JMY: variants seen among roughly 807,000 people sequenced by gnomAD.
The protein encoded by JMY is junction mediating and regulatory protein, p53 cofactor.
In JMY, 46 loss-of-function variants were observed where a neutral mutation model predicts 103.3. The observed-to-expected ratio is 0.45, with a 90% CI of 0.35 to 0.57. The LOEUF is 0.57. Among genes scored for constraint, JMY ranks in the 20% least tolerant of loss-of-function variants. JMY has a pLI of 0.00. For synonymous variants in JMY, 526 were observed against 489.3 expected, an observed-to-expected ratio of 1.07 and a Z score of -0.99; for missense variants, 1,238 against 1,255.2, an observed-to-expected ratio of 0.99 and a Z score of 0.21.
In JMY at chr5:79,314,491, G is replaced by A; in HGVS notation, c.2299G>A (p.Glu767Lys). The change falls in exon 9 of 11, where the codon GAA (glutamate) becomes AAA (lysine). Residue 767 changes from glutamate to lysine, a missense_variant. By Grantham distance (56) the Glu-to-Lys change is moderately conservative. Coordinates refer to ENST00000396137, the MANE Select transcript of JMY (RefSeq NM_152405.5). Reference sequence around the variant, plus strand: ...TGAAGATACTTCATTAACACAACTTGAAGCCACCTCATTACCTCTCAGTGG... The same window carrying A: ...TGAAGATACTTCATTAACACAACTTAAAGCCACCTCATTACCTCTCAGTGG... Reference protein sequence around the residue: ...QLEDTSLTQLEATSLPLSGVT... With the variant: ...QLEDTSLTQLKATSLPLSGVT... 3 of 1,614,094 alleles carry A rather than the reference G, an allele frequency of 1.9e-6. No individual in the cohort carries two copies. The highest frequency in any genetic ancestry group is 2.5e-6 in the Non-Finnish European group (3 of 1,180,004).
At chr5:79,308,012 C>T (rs1746939547) in intron 7 of JMY, among the ~76,000 whole-genome samples, 1 of 152,176 alleles carries the variant, frequency 6.6e-6, no homozygotes, top group South Asian at 2.1e-4. Flanking sequence ...GCTGGGATTA[C>T]AGGCATGAGC....
Position 79,314,422 on chromosome 5 carries a change from C to G in JMY, c.2230C>G (p.Arg744Gly), listed in dbSNP as rs554608602. ...AGAGGTGGGAGAAGGAAGAGTCAAG[C>G]GTGGGCCATCACAGACAACAGAACC... ...TEEVGEGRVK[R>G]GPSQTTEPQS... The change falls in exon 9 of 11, where the codon CGT becomes GGT. Residue 744 changes from arginine to glycine, a missense_variant. Physicochemically the swap from Arg to Gly is moderately radical, Grantham distance 125 (BLOSUM62 -2). Transcript: ENST00000396137. 1 of 1,614,094 alleles carries G rather than the reference C, an allele frequency of 6.2e-7. No homozygotes were observed. Among genetic ancestry groups the G allele is most frequent in the South Asian group, 1.1e-5 (1 of 91,064 alleles).
At chr5:79,320,099 G>A (rs1387642604) in intron 10 of JMY, among the ~76,000 whole-genome samples, 3 of 152,062 alleles carry the variant, frequency 2.0e-5, no homozygotes, top group Non-Finnish European at 2.9e-5. Context: ...CAGGCTGAGT[G>A]TGAACTTTAA....
At chr5:79,244,563 C>T (rs895880144) in intron 1 of JMY, among the ~76,000 whole-genome samples, 3 of 152,020 alleles carry the variant, frequency 2.0e-5, no homozygotes, top group Non-Finnish European at 4.4e-5. Context: ...CTTCATTTGA[C>T]GTTTCATTAA....
At chr5:79,256,078 T>C (rs1745235259) in intron 1 of JMY, among the ~76,000 whole-genome samples, 1 of 152,208 alleles carries the variant, frequency 6.6e-6, no homozygotes. Context: ...GGGACTAGAA[T>C]CAGAAACCTT....
chr5:79,315,922 G>A (rs996389107), intron 9 of JMY, 78 bp from the exon 10 acceptor site: 6 of 1,264,056 alleles, frequency 4.7e-6, no homozygotes, highest in Admixed American at 2.0e-5. Flanking sequence ...TCACAGTTGC[G>A]AACGGTAGAG....
intron 1 of JMY, among the ~76,000 whole-genome samples, chr5:79,251,858 T>G (rs1263770804): frequency 6.6e-6 from 1 of 152,172 alleles, no homozygotes; most frequent in Non-Finnish European, 1.5e-5. Flanking sequence ...CACTGGAACC[T>G]CTGCCTCCTG....
chr5:79,298,927 C>T lies in JMY; in HGVS notation c.1528-1226C>T, dbSNP rs142313616. Among the ~76,000 whole-genome samples the T allele has an allele frequency of 4.6e-3, 703 of 152,282 alleles. 6 individuals carry two copies. The highest frequency in any genetic ancestry group is 0.016 in the African/African-American group (673 of 41,554). On this transcript the variant is annotated intron_variant, in intron 4 of 10. Transcript: ENST00000396137. ...ATGTGCTGACAGGTTTTACCAACCT[C>T]GCCAGACAAAAGGGATCATTTAGGA...
chr5:79,284,005 T>G, intron 2 of JMY: 3 of 596,694 alleles, frequency 5.0e-6, no homozygotes, highest in Non-Finnish European at 8.2e-6. Flanking sequence ...TATAAACACA[T>G]TTTGAAGGTA....
chr5:79,290,400 C>A, intron 3 of JMY, 129 bp downstream of exon 3: 1 of 484,020 alleles, frequency 2.1e-6, no homozygotes, highest in Non-Finnish European at 3.3e-6. Flanking sequence ...GAGAAAACCA[C>A]TATTAGCAAA....
intron 1 of JMY, among the ~76,000 whole-genome samples, chr5:79,240,026 T>C (rs1356234733): frequency 6.6e-6 from 1 of 151,712 alleles, no homozygotes; most frequent in Non-Finnish European, 1.5e-5. Flanking sequence ...TTCTTTCTTT[T>C]TTTTTTTGAG....
At position 79,236,555 on chromosome 5, in the gene JMY, C is replaced by G; in HGVS notation, c.-96C>G. 3 of 1,053,196 alleles carry G rather than the reference C, an allele frequency of 2.8e-6. No individual in the cohort carries two copies. The highest frequency in any genetic ancestry group is 2.5e-6 in the Non-Finnish European group (2 of 804,366). 65.2% of individuals were successfully genotyped at this position (1,053,196 alleles called of 1,614,324 possible). On this transcript the variant is annotated 5_prime_UTR_variant, in exon 1 of 11. Transcript: ENST00000396137. The stretch of plus-strand genomic sequence containing the variant: ...GCGCACTAAGATGGCTGAAGGCGCC[C>G]GGCGAGGGTGAGCGGGGGGCGCGGC...
rs1038534325 is a variant in JMY at position 79,316,044 on chromosome 5, A to G, written c.2704A>G (p.Ser902Gly). ...DEVLASLKRG[S>G]FHLKKVEQRT... The stretch of plus-strand genomic sequence containing the variant: ...GGTGCTAGCCTCCTTGAAGCGTGGT[A>G]GTTTTCATCTGAAAAAGGTTGAACA... The change falls in exon 10 of 11, where the codon AGT becomes GGT. Residue 902 changes from serine (S) to glycine (G), a missense_variant. By Grantham distance (56) the Ser-to-Gly change is moderately conservative (BLOSUM62 0). Coordinates refer to ENST00000396137, the MANE Select transcript of JMY (RefSeq NM_152405.5). 4 of 1,614,098 alleles carry G rather than the reference A, an allele frequency of 2.5e-6. No homozygotes were observed. The African/African-American group carries it at 5.3e-5, about 22-fold the overall frequency.
intron 1 of JMY, among the ~76,000 whole-genome samples, chr5:79,244,657 T>C (rs1744835057): frequency 7.6e-6 from 1 of 131,944 alleles, no homozygotes. Flanking sequence ...TATGTGTGCC[T>C]ATTTTTTTTT....
Position 79,278,016 on chromosome 5 carries a change from A to T in JMY, c.1139A>T (p.Tyr380Phe). ...CTTGCAGAAGCTACAACCGAACTCT[A>T]TCAGTATTTACTACAGCCATTCCGA... is the stretch of plus-strand genomic sequence containing the variant. Reference protein sequence around the residue: ...SSLAEATTELYQYLLQPFRDM... With the variant: ...SSLAEATTELFQYLLQPFRDM... The change falls in exon 2 of 11, where the codon TAT becomes TTT. Residue 380 changes from tyrosine to phenylalanine, a missense_variant. Physicochemically the swap from Tyr to Phe is conservative, Grantham distance 22. Transcript: ENST00000396137. 6.2e-7 allele frequency: 1 copy of T among 1,614,110 alleles called. No individual in the cohort carries two copies.
intron 4 of JMY, among the ~76,000 whole-genome samples, chr5:79,293,560 TGA>T (rs748997428): frequency 2.6e-5 from 4 of 152,198 alleles, no homozygotes; most frequent in Non-Finnish European, 4.4e-5. Context: ...CGTCTGGCGC[TGA>T]GTCTTAATTA....
chr5:79,323,140 C>A lies in JMY; in HGVS notation c.*1538C>A, dbSNP rs1747518630. 6.6e-6 allele frequency: 1 copy of A among 152,194 alleles called. No homozygotes were observed. Among genetic ancestry groups the A allele is most frequent in the Non-Finnish European group, 1.5e-5 (1 of 68,040 alleles). 9.4% of individuals were successfully genotyped at this position (152,194 alleles called of 1,614,324 possible). A position where few individuals can be genotyped will look rare whatever the true frequency, so the allele number is the denominator to read the frequency against. The stretch of plus-strand genomic sequence containing the variant: ...CTAATTTTTATATTTTTTATAGAGA[C>A]AGGGTTTTGCCATGTTGCCCACGCT... On this transcript the variant is annotated 3_prime_UTR_variant, in exon 11 of 11. Transcript: ENST00000396137.
chr5:79,277,473 A>AT (rs756622504), intron 1 of JMY, among the ~76,000 whole-genome samples: 169 of 151,664 alleles, frequency 1.1e-3, no homozygotes, highest in African/African-American at 3.1e-3. Context: ...CAAAAAAAAA[A>AT]AAATATATAC....
chr5:79,318,004 G>GA (rs1238630621), intron 10 of JMY, among the ~76,000 whole-genome samples: 2 of 151,808 alleles, frequency 1.3e-5, no homozygotes, highest in African/African-American at 4.8e-5. Context: ...GAACAACAAA[G>GA]AAAAAAAATC....
Sources: allele counts gnomAD v4.1 joint callset (sites outside exome capture counted in the v4.1 genomes callset), GRCh38; gene constraint gnomAD v4.1.1; transcripts MANE v1.5; gene names NCBI Gene and HGNC (gene_info 2026-07-23, HGNC 2026-07-21).